Variants in PRKD2 observed in about 807,000 individuals in gnomAD.
PRKD2 encodes the protein protein kinase D2, also known as serine/threonine-protein kinase D2.
Under a neutral mutation model 86.0 loss-of-function variants are expected in PRKD2, and 22 were observed. The observed-to-expected ratio is 0.26, with a 90% CI of 0.18 to 0.37. The LOEUF (loss-of-function observed/expected upper bound fraction) is 0.37, where lower values mean the gene tolerates loss of function less well. PRKD2 is among the 10% of genes least tolerant of loss of function. The probability of loss-of-function intolerance (pLI) is 1.00; values close to 1 mark genes in which losing one functional copy is unlikely to be tolerated. For missense variants in PRKD2, 818 were observed against 1,199.2 expected (o/e 0.68, Z 4.70); for synonymous variants, 509 against 510.9 (o/e 1.00, Z 0.05).
At chr19:46,706,037 T>A (rs1426903169) in intron 3 of PRKD2, among the ~76,000 whole-genome samples, 1 of 152,054 alleles carries the variant, frequency 6.6e-6, no homozygotes, top group Non-Finnish European at 1.5e-5. Flanking sequence ...TTTTTATTTT[T>A]ATTTTTTTGT....
At position 46,680,946 on chromosome 19, in the gene PRKD2, A is replaced by ATATATATATATATATATATT; in HGVS notation, c.2070+703_2070+704insAATATATATATATATATATA. On this transcript the variant is annotated intron_variant, in intron 15 of 17. Transcript: ENST00000291281. ...AAACTATATATATATATATATATAT[A>ATATATATATATATATATATT]TTTTTTTTTTTTTTTTTGAGACAGA... Among the ~76,000 whole-genome samples the ATATATATATATATATATATT allele has an allele frequency of 2.1e-3, 102 of 48,218 alleles. 1 individual carries two copies. The highest frequency in any genetic ancestry group is 3.6e-3 in the East Asian group (8 of 2,240). The allele number at this position is 48,218 out of a possible 152,430, so 31.6% of individuals were successfully genotyped here. A position where few individuals can be genotyped will look rare whatever the true frequency, so the allele number is the denominator to read the frequency against.
chr19:46,694,656 G>GT (rs2053531519), intron 9 of PRKD2, among the ~76,000 whole-genome samples: 1 of 152,162 alleles, frequency 6.6e-6, no homozygotes, highest in Admixed American at 6.5e-5. Context: ...GACCAGAAAG[G>GT]TAAGAAGCAG....
chr19:46,700,004 G>C (rs1408861035), intron 7 of PRKD2, among the ~76,000 whole-genome samples: 1 of 152,052 alleles, frequency 6.6e-6, no homozygotes, highest in Non-Finnish European at 1.5e-5. Flanking sequence ...GGGAGGCCGA[G>C]GCAGGTGGAT....
At chr19:46,687,809 G>C (rs1188445517) in intron 14 of PRKD2, among the ~76,000 whole-genome samples, 1 of 152,204 alleles carries the variant, frequency 6.6e-6, no homozygotes, top group Non-Finnish European at 1.5e-5. Flanking sequence ...GCAGGGACTA[G>C]GGAGTGTTTG....
Position 46,678,301 on chromosome 19 carries a change from CT to C in PRKD2, c.2338+94del. The C allele has an allele frequency of 6.6e-7, 1 of 1,511,618 alleles. No individual in the cohort carries two copies. The highest frequency in any genetic ancestry group is 8.9e-7 in the Non-Finnish European group (1 of 1,129,756). The allele number at this position is 1,511,618 out of a possible 1,614,324, so 93.6% of individuals were successfully genotyped here. ...TGGGCTCCACCCCCAAGGTGCCAGG[CT>C]GTTTCCGGGTCCACCCCCCTCTCAT... On this transcript the variant is annotated intron_variant, in intron 16 of 17. Coordinates refer to ENST00000291281, the MANE Select transcript of PRKD2 (RefSeq NM_016457.5). The surrounding 1 kb of genome is among the most constrained non-coding windows in gnomAD (Gnocchi z 5.7).
intron 15 of PRKD2, among the ~76,000 whole-genome samples, chr19:46,679,490 C>T (rs1352482926): frequency 1.3e-5 from 2 of 152,328 alleles, no homozygotes; most frequent in Admixed American, 1.3e-4. Flanking sequence ...CCTAATTTCT[C>T]CAGGCCTTGA....
chr19:46,684,352 C>T (rs1331531151), intron 14 of PRKD2, among the ~76,000 whole-genome samples: 3 of 152,124 alleles, frequency 2.0e-5, no homozygotes, highest in Admixed American at 6.6e-5. Flanking sequence ...GATGGAGTCT[C>T]ACTCTGTTGC....
At chr19:46,700,021 A>T (rs985586301) in intron 7 of PRKD2, among the ~76,000 whole-genome samples, 15 of 151,530 alleles carry the variant, frequency 9.9e-5, no homozygotes, top group African/African-American at 3.4e-4. Context: ...GGATTACCTG[A>T]GGTTGGGAGT....
At position 46,716,220 on chromosome 19, in the gene PRKD2, T is replaced by A. The variant is rs781263890; in HGVS notation, c.151A>T (p.Ile51Phe). 1 of 1,609,622 alleles carries A rather than the reference T, an allele frequency of 6.2e-7. No individual in the cohort carries two copies. Among genetic ancestry groups the A allele is most frequent in the South Asian group, 1.1e-5 (1 of 90,990 alleles). ...AGCACGAACTCGCGGGTCAGCCCGA[T>A]CTGGATGTGAAAGGAGACCCCGGAA... ...PGSGVSFHIQ[I>F]GLTREFVLLP... is the part of the protein sequence containing the mutation. The change falls in exon 1 of 18, where the codon ATC (isoleucine) becomes TTC (phenylalanine). Residue 51 changes from isoleucine to phenylalanine, a missense_variant. This residue lies in a region of PRKD2 where 403 missense variants were observed against 518.6 expected (regional missense o/e 0.78). Coordinates refer to ENST00000291281, the MANE Select transcript of PRKD2 (RefSeq NM_016457.5). The surrounding 1 kb of genome is among the most constrained non-coding windows in gnomAD (Gnocchi z 7.9).
Position 46,701,096 on chromosome 19 carries a change from A to G in PRKD2, c.906T>C (p.Cys302=). 1 of 1,614,190 alleles carries G rather than the reference A, an allele frequency of 6.2e-7. No homozygotes were observed. The highest frequency in any genetic ancestry group is 1.3e-5 in the African/African-American group (1 of 75,052). Residue 302 remains cysteine (C), a synonymous_variant, in exon 6 of 18, where the codon TGT becomes TGC. Transcript: ENST00000291281. The stretch of plus-strand genomic sequence containing the variant: ...GGACGCGGGTGGCGCAGCGTTTGTG[A>G]CAGTTAAACTTGCAGTCTGGTAGGA... The part of the protein sequence containing the change: ...GLQCKDCKFN[C]HKRCATRVPN...
chr19:46,683,135 G>A (rs569799582), intron 14 of PRKD2, among the ~76,000 whole-genome samples: 70 of 149,424 alleles, frequency 4.7e-4, no homozygotes, highest in African/African-American at 1.7e-3. Context: ...CTACAGGCAT[G>A]TGCCACCACC....
At chr19:46,677,238 C>CCT (rs1449326499) in intron 16 of PRKD2, 1 of 152,890 alleles carries the variant, frequency 6.5e-6, no homozygotes, top group Non-Finnish European at 1.5e-5. Flanking sequence ...CCGCACCCTC[C>CCT]AGAGAGGACC....
Position 46,675,050 on chromosome 19 carries a change from T to C in PRKD2, c.2407A>G (p.Ser803Gly), listed in dbSNP as rs1244118550. Residue 803 changes from serine to glycine, a missense_variant, in exon 17 of 18, where the codon AGC (serine) becomes GGC (glycine). By Grantham distance (56) the Ser-to-Gly change is moderately conservative (BLOSUM62 0). This residue lies in a region of PRKD2 where 132 missense variants were observed against 146.2 expected (regional missense o/e 0.90). Coordinates refer to ENST00000291281, the MANE Select transcript of PRKD2 (RefSeq NM_016457.5). Reference protein sequence around the residue: ...RKRYSVDKSLSHPWLQEYQTW... With the variant: ...RKRYSVDKSLGHPWLQEYQTW... ...TGCATCACCTGTAACCAGGGGTGGC[T>C]GAGAGATTTGTCCACGCTGTAGCGT... The C allele has an allele frequency of 1.9e-6, 3 of 1,609,576 alleles. No homozygotes were observed. In the African/African-American group the frequency reaches 4.0e-5, roughly 21 times the overall value.
intron 5 of PRKD2, 69 bp from the exon 6 acceptor site, chr19:46,701,181 G>T: frequency 6.7e-7 from 1 of 1,499,270 alleles, no homozygotes; most frequent in South Asian, 1.1e-5. Flanking sequence ...CTTGAACCTT[G>T]ACCCTAAGCC....
chr19:46,702,448 T>G (rs1019907891), intron 5 of PRKD2, among the ~76,000 whole-genome samples: 4 of 152,132 alleles, frequency 2.6e-5, no homozygotes, highest in Non-Finnish European at 5.9e-5. Flanking sequence ...TTTTAGGGTG[T>G]TATATATCTA....
chr19:46,697,479 C>A, intron 8 of PRKD2: 1 of 590,260 alleles, frequency 1.7e-6, no homozygotes, highest in East Asian at 2.9e-5. Flanking sequence ...CTTCCTCCAG[C>A]CAAGCTCCTC....
At chr19:46,691,625 G>A (rs2053484663) in intron 12 of PRKD2, 110 bp downstream of exon 12, 2 of 1,059,418 alleles carry the variant, frequency 1.9e-6, no homozygotes, top group East Asian at 4.7e-5. Flanking sequence ...TGGGAGGTGA[G>A]CATGTGACCA....
At chr19:46,676,613 T>A (rs1021482088) in intron 16 of PRKD2, among the ~76,000 whole-genome samples, 4 of 152,238 alleles carry the variant, frequency 2.6e-5, no homozygotes, top group African/African-American at 9.6e-5. Flanking sequence ...CTTCACTGTA[T>A]GAACCCATCC....
At chr19:46,682,543 T>C (rs991689676) in intron 14 of PRKD2, among the ~76,000 whole-genome samples, 3 of 152,100 alleles carry the variant, frequency 2.0e-5, no homozygotes, top group Admixed American at 6.6e-5. Context: ...CTCAGAATCA[T>C]AGAACCATTT....
Sources: gnomAD v4.1 joint callset for allele counts (sites outside exome capture counted in the v4.1 genomes callset) on GRCh38, gnomAD v4.1.1 for gene constraint, gnomAD v4.1.1 regional missense constraint, Gnocchi (gnomAD v3.1) non-coding constraint, MANE v1.5 for transcripts, NCBI Gene and HGNC (gene_info 2026-07-23, HGNC 2026-07-21) for gene names.